Variants in PCDHGA8 observed in about 807,000 individuals in gnomAD.
The protein encoded by PCDHGA8 is protocadherin gamma-A8.
In PCDHGA8, 45 loss-of-function variants were observed where a neutral mutation model predicts 59.2. The ratio of observed to expected loss-of-function variants is 0.76; its 90% confidence interval spans 0.60 to 0.98. The LOEUF (loss-of-function observed/expected upper bound fraction) is 0.98. PCDHGA8 is among the 50% of genes least tolerant of loss of function. The pLI is 0.00. For synonymous variants in PCDHGA8, 531 were observed against 519.0 expected (o/e 1.02, Z -0.32); for missense variants, 1,257 against 1,196.2 (o/e 1.05, Z -0.75).
rs200877911 is a variant in PCDHGA8 at position 141,477,977 on chromosome 5, A to G, written c.2425-16830A>G. ...ATCCCCTAACCAGAGCCTTTTTGCC[A>G]TAGGGCTGCACACTGGTCAAATCAG... On this transcript the variant is annotated intron_variant, in intron 1 of 3. Coordinates refer to ENST00000398604, the MANE Select transcript of PCDHGA8 (RefSeq NM_032088.2). The surrounding 1 kb of genome is among the most constrained non-coding windows in gnomAD (Gnocchi z 4.9). 5 of 1,614,092 alleles carry G rather than the reference A, an allele frequency of 3.1e-6. No individual in the cohort carries two copies. The East Asian group carries it at 6.7e-5, about 22-fold the overall frequency.
intron 1 of PCDHGA8, chr5:141,433,358 CCTAT>C (rs3074541): frequency 0.23 from 113,181 of 502,952 alleles, 11,570 homozygotes; most frequent in Non-Finnish European, 0.24. Flanking sequence ...CTACTGTCTG[CCTAT>C]CTATCTATCT....
At chr5:141,497,703 C>T (rs995815060) in intron 2 of PCDHGA8, among the ~76,000 whole-genome samples, 16 of 152,134 alleles carry the variant, frequency 1.1e-4, no homozygotes, top group African/African-American at 3.9e-4. Context: ...CCACACCCAG[C>T]TCATTTTTGT....
chr5:141,419,177 C>G (rs1223789288), intron 1 of PCDHGA8: 3 of 1,613,980 alleles, frequency 1.9e-6, no homozygotes, highest in Non-Finnish European at 2.5e-6. Flanking sequence ...AACCATAACC[C>G]TGCACATTAC....
At position 141,511,036 on chromosome 5, in the gene PCDHGA8, G is replaced by A. The variant is rs116366286; in HGVS notation, c.2662G>A (p.Val888Met). ...CGGACCCCAGTTCACCCTGCAGCAC[G>A]TGCCCGACTACCGCCAGAATGTCTA... is the stretch of plus-strand genomic sequence containing the variant. ...RYGPQFTLQH[V>M]PDYRQNVYIP... is the part of the protein sequence containing the mutation. Residue 888 changes from valine to methionine, a missense_variant, in exon 4 of 4, where the codon GTG becomes ATG. Physicochemically the swap from Val to Met is conservative, Grantham distance 21. Transcript: ENST00000398604. 5.5e-5 allele frequency: 89 copies of A among 1,614,198 alleles called. No individual in the cohort carries two copies. The highest frequency in any genetic ancestry group is 1.6e-4 in the Middle Eastern group (1 of 6,062).
rs750233767 is a variant in PCDHGA8 at position 141,490,877 on chromosome 5, C to A, written c.2425-3930C>A. 1 of 1,613,880 alleles carries A rather than the reference C, an allele frequency of 6.2e-7. No individual in the cohort carries two copies. Among genetic ancestry groups the A allele is most frequent in the Non-Finnish European group, 8.5e-7 (1 of 1,179,900 alleles). On this transcript the variant is annotated intron_variant, in intron 1 of 3. Coordinates refer to ENST00000398604, the MANE Select transcript of PCDHGA8 (RefSeq NM_032088.2). This position sits in a 1 kb window ranked among gnomAD's most constrained non-coding sequence, Gnocchi z 5.4. Reference sequence around the variant, plus strand: ...GACTCCGGCTCTCCCCCATTGCATGCCAACACATCTCTGCATGTGTTTGTC... The same window carrying A: ...GACTCCGGCTCTCCCCCATTGCATGACAACACATCTCTGCATGTGTTTGTC...
intron 1 of PCDHGA8, chr5:141,478,305 C>T (rs775282798): frequency 2.5e-6 from 4 of 1,614,092 alleles, no homozygotes; most frequent in East Asian, 2.2e-5. Flanking sequence ...TACCGAGCCC[C>T]GGTGAGCTCA....
In PCDHGA8 at chr5:141,410,620, G is replaced by C. The variant is rs765125633; in HGVS notation, c.2424+15383G>C. ...CTTCACATCCTGAGACTCTGACTTC[G>C]GTGAGTTTCTCTTTTTTGTGTGTGA... On this transcript the variant is annotated intron_variant, in intron 1 of 3. Coordinates refer to ENST00000398604, the MANE Select transcript of PCDHGA8 (RefSeq NM_032088.2). The C allele has an allele frequency of 3.4e-5, 55 of 1,603,406 alleles. 1 individual carries two copies. The highest frequency in any genetic ancestry group is 2.8e-4 in the Admixed American group (17 of 59,744).
chr5:141,450,555 C>T (rs958577638), intron 1 of PCDHGA8, among the ~76,000 whole-genome samples: 4 of 151,710 alleles, frequency 2.6e-5, no homozygotes, highest in East Asian at 1.9e-4. Flanking sequence ...GGCGCAGTCT[C>T]GGCTCACTGC....
Position 141,431,354 on chromosome 5 carries a change from G to A in PCDHGA8, c.2424+36117G>A, listed in dbSNP as rs777198567. On this transcript the variant is annotated intron_variant, in intron 1 of 3. Coordinates refer to ENST00000398604, the MANE Select transcript of PCDHGA8 (RefSeq NM_032088.2). This position sits in a 1 kb window ranked among gnomAD's most constrained non-coding sequence, Gnocchi z 4.8. ...GTACCCCGAATTGGTGCTGAAACGC[G>A]CCCTGGACCGCGAAGAAAAGGCTGC... is the stretch of plus-strand genomic sequence containing the variant. 1 of 1,614,036 alleles carries A rather than the reference G, an allele frequency of 6.2e-7. No homozygotes were observed. Among genetic ancestry groups the A allele is most frequent in the South Asian group, 1.1e-5 (1 of 91,086 alleles).
chr5:141,399,691 C>T (rs2093867392), intron 1 of PCDHGA8: 1 of 1,613,362 alleles, frequency 6.2e-7, no homozygotes, highest in Admixed American at 1.7e-5. Flanking sequence ...CGAGCAGCTG[C>T]GCACCTTCGA....
chr5:141,404,109 TCCAGGAGAATCTATCTTTTA>T, intron 1 of PCDHGA8: 1 of 1,613,518 alleles, frequency 6.2e-7, no homozygotes, highest in East Asian at 2.2e-5. Flanking sequence ...GTCTGTTCTA[TCCAGGAGAATCTATCTTTTA>T]CATTAGAAAA....
At chr5:141,478,487 A>G (rs1593917832) in intron 1 of PCDHGA8, 1 of 1,613,454 alleles carries the variant, frequency 6.2e-7, no homozygotes, top group South Asian at 1.1e-5. Flanking sequence ...CACGCTGCGG[A>G]GCTGTGATCC....
chr5:141,403,044 T>C lies in PCDHGA8; in HGVS notation c.2424+7807T>C, dbSNP rs914251787. 7 of 1,613,960 alleles carry C rather than the reference T, an allele frequency of 4.3e-6. No individual in the cohort carries two copies. The Admixed American group carries it at 8.3e-5, about 19-fold the overall frequency. ...CTATGGGAGGCCAGGGCCAGTCAGA[T>C]TCGCTACTCAGTGCCTGAAGAGACA... is the stretch of plus-strand genomic sequence containing the variant. On this transcript the variant is annotated intron_variant, in intron 1 of 3. Transcript: ENST00000398604.
Position 141,503,999 on chromosome 5 carries a change from C to T in PCDHGA8, c.2484-1394C>T, listed in dbSNP as rs569153055. On this transcript the variant is annotated intron_variant, in intron 2 of 3. Coordinates refer to ENST00000398604, the MANE Select transcript of PCDHGA8 (RefSeq NM_032088.2). Reference sequence around the variant, plus strand: ...AACCCTTCTTCTTACCTTACAGTCACTTAACTGTCTCTGCTGGTCTCTTCC... The same window carrying T: ...AACCCTTCTTCTTACCTTACAGTCATTTAACTGTCTCTGCTGGTCTCTTCC... 2.0e-5 allele frequency among the ~76,000 whole-genome samples: 3 copies of T among 152,286 alleles called. No individual in the cohort carries two copies. The South Asian group carries it at 6.2e-4, about 32-fold the overall frequency.
intron 1 of PCDHGA8, among the ~76,000 whole-genome samples, chr5:141,464,747 G>A (rs969116049): frequency 2.0e-5 from 3 of 151,812 alleles, no homozygotes; most frequent in Admixed American, 2.0e-4. Context: ...ATATCTTTTT[G>A]TTTTTTTAGA....
chr5:141,487,491 C>A lies in PCDHGA8; in HGVS notation c.2425-7316C>A. On this transcript the variant is annotated intron_variant, in intron 1 of 3. Transcript: ENST00000398604. This position sits in a 1 kb window ranked among gnomAD's most constrained non-coding sequence, Gnocchi z 5.0. The stretch of plus-strand genomic sequence containing the variant: ...GTGGGAGGCCACTCTCATGGCTGTA[C>A]ACCCTTGGCTTCTGCACCCACTCGG... The A allele has an allele frequency of 6.2e-7, 1 of 1,614,204 alleles. No individual in the cohort carries two copies. The highest frequency in any genetic ancestry group is 8.5e-7 in the Non-Finnish European group (1 of 1,180,034).
chr5:141,482,350 G>A lies in PCDHGA8; in HGVS notation c.2425-12457G>A, dbSNP rs184055854. ...AGAATATCTACTTTGCAAACTTGTT[G>A]TGAGAGTGAAAAGTAATGCATATAA... On this transcript the variant is annotated intron_variant, in intron 1 of 3. Coordinates refer to ENST00000398604, the MANE Select transcript of PCDHGA8 (RefSeq NM_032088.2). Among the ~76,000 whole-genome samples the A allele has an allele frequency of 5.3e-5, 8 of 152,200 alleles. No individual in the cohort carries two copies. In the East Asian group the frequency reaches 1.4e-3, roughly 26 times the overall value.
chr5:141,400,163 A>G, intron 1 of PCDHGA8: 1 of 1,613,830 alleles, frequency 6.2e-7, no homozygotes, highest in Non-Finnish European at 8.5e-7. Flanking sequence ...GTACCCTCTG[A>G]CCCCCAGGCT....
At position 141,394,006 on chromosome 5, in the gene PCDHGA8, T is replaced by C. The variant is rs753433160; in HGVS notation, c.1193T>C (p.Ile398Thr). The part of the protein sequence containing the change: ...DNLPFKLEKS[I>T]GNYYRLVTRK... ...TTACCTTTTAAATTAGAAAAGTCAA[T>C]AGGTAATTATTATAGATTAGTGACA... Residue 398 changes from isoleucine (I) to threonine (T), a missense_variant, in exon 1 of 4, where the codon ATA (isoleucine) becomes ACA (threonine). Physicochemically the swap from Ile to Thr is moderately conservative, Grantham distance 89. Transcript: ENST00000398604. 3.1e-6 allele frequency: 5 copies of C among 1,613,358 alleles called. No individual in the cohort carries two copies. Among genetic ancestry groups the C allele is most frequent in the Non-Finnish European group, 3.4e-6 (4 of 1,179,548 alleles).
Sources: gnomAD v4.1 joint callset for allele counts (sites outside exome capture counted in the v4.1 genomes callset) on GRCh38, gnomAD v4.1.1 for gene constraint, Gnocchi (gnomAD v3.1) non-coding constraint, MANE v1.5 for transcripts, NCBI Gene and HGNC (gene_info 2026-07-23, HGNC 2026-07-21) for gene names.